The following TNFSF8 variants were observed in gnomAD, a reference collection of about 807,000 sequenced individuals.
TNFSF8 encodes TNF superfamily member 8.
In TNFSF8, 4 loss-of-function variants were observed where a neutral mutation model predicts 22.0. The ratio of observed to expected loss-of-function variants is 0.18; its 90% confidence interval spans 0.09 to 0.42. The LOEUF (loss-of-function observed/expected upper bound fraction) is 0.42, where lower values mean the gene tolerates loss of function less well. Ranked by LOEUF, TNFSF8 falls within the 10% of genes least tolerant of loss-of-function variation. The probability of loss-of-function intolerance (pLI) is 1.00; values close to 1 mark genes in which losing one functional copy is unlikely to be tolerated. For missense variants in TNFSF8, 233 were observed against 281.8 expected (o/e 0.83, Z 1.24); for synonymous variants, 106 against 112.5 (o/e 0.94, Z 0.37).
downstream of TNFSF8, among the ~76,000 whole-genome samples, chr9:114,899,153 AAC>A (rs1827688790): frequency 6.6e-6 from 1 of 152,172 alleles, no homozygotes. Flanking sequence ...TGGATGGACA[AAC>A]ATTCCAAAAT....
At chr9:114,908,484 C>A (rs1053724722) in intron 2 of TNFSF8, among the ~76,000 whole-genome samples, 2 of 152,134 alleles carry the variant, frequency 1.3e-5, no homozygotes, top group Admixed American at 1.3e-4. Flanking sequence ...GGCCGAAAGC[C>A]CTCTTACACT....
At chr9:114,898,839 C>T (rs1398416745), downstream of TNFSF8, among the ~76,000 whole-genome samples, 2 of 152,100 alleles carry the variant, frequency 1.3e-5, no homozygotes, top group South Asian at 2.1e-4. Flanking sequence ...ACCTATAATG[C>T]GACTCCTAGG....
chr9:114,902,387 A>G lies in TNFSF8; in HGVS notation c.*1544T>C. 1.0e-6 allele frequency: 1 copy of G among 985,470 alleles called. No homozygotes were observed. Among genetic ancestry groups the G allele is most frequent in the Non-Finnish European group, 1.2e-6 (1 of 829,934 alleles). 61.0% of individuals were successfully genotyped at this position (985,470 alleles called of 1,614,324 possible). A position where few individuals can be genotyped will look rare whatever the true frequency, so the allele number is the denominator to read the frequency against. ...GGCTAGATGACCACATCACTGTTGC[A>G]CACTGATTGTTTGCTAAAGGCACAA... On this transcript the variant is annotated 3_prime_UTR_variant, in exon 4 of 4. Transcript: ENST00000223795.
Position 114,926,370 on chromosome 9 carries a change from C to A in TNFSF8, c.195+3739G>T, listed in dbSNP as rs547501287. ...GGGGGAATCCGGGAGGCGGAGCTTG[C>A]AGTGAGCAGAGATCGCGCCACTGCA... is the stretch of plus-strand genomic sequence containing the variant. On this transcript the variant is annotated intron_variant, in intron 1 of 3. Transcript: ENST00000223795. Among the ~76,000 whole-genome samples, 5 of 152,240 alleles carry A rather than the reference C, an allele frequency of 3.3e-5. No individual in the cohort carries two copies. The South Asian group carries it at 1.0e-3, about 32-fold the overall frequency.
chr9:114,918,248 C>T, intron 1 of TNFSF8, 110 bp from the exon 2 acceptor site: 1 of 833,804 alleles, frequency 1.2e-6, no homozygotes, highest in Non-Finnish European at 1.7e-6. Context: ...ATTTACAATT[C>T]ATCCTCCACC....
intron 1 of TNFSF8, among the ~76,000 whole-genome samples, chr9:114,921,981 A>G (rs1273714187): frequency 6.6e-6 from 1 of 152,232 alleles, no homozygotes; most frequent in Non-Finnish European, 1.5e-5. Context: ...GTCTCCAGGT[A>G]AAATGACCCC....
At position 114,903,901 on chromosome 9, in the gene TNFSF8, G is replaced by A. The variant is rs766550159; in HGVS notation, c.*30C>T. ...ATGAAATACTGTATGGTAGAGAGGC[G>A]CTTTCTTCCTGAAGGCCAAGAGAAA... On this transcript the variant is annotated 3_prime_UTR_variant, in exon 4 of 4. Transcript: ENST00000223795. 5 of 1,578,466 alleles carry A rather than the reference G, an allele frequency of 3.2e-6. No homozygotes were observed. The highest frequency in any genetic ancestry group is 1.4e-5 in the African/African-American group (1 of 73,722).
At chr9:114,925,352 CA>C (rs1352677183) in intron 1 of TNFSF8, among the ~76,000 whole-genome samples, 2 of 152,212 alleles carry the variant, frequency 1.3e-5, no homozygotes, top group African/African-American at 2.4e-5. Context: ...TTCATGTAAC[CA>C]AAAACTCAGG....
chr9:114,928,240 G>A (rs1828087636), intron 1 of TNFSF8, among the ~76,000 whole-genome samples: 1 of 152,150 alleles, frequency 6.6e-6, no homozygotes, highest in Non-Finnish European at 1.5e-5. Context: ...AGAGAAGAGT[G>A]GGTGCAATGT....
chr9:114,917,986 A>T, intron 2 of TNFSF8, 110 bp downstream of exon 2: 1 of 1,093,674 alleles, frequency 9.1e-7, no homozygotes, highest in Non-Finnish European at 1.3e-6. Flanking sequence ...TACCCACTTT[A>T]CTGTTGGGTC....
chr9:114,925,635 C>T (rs1198904988), intron 1 of TNFSF8, among the ~76,000 whole-genome samples: 8 of 152,162 alleles, frequency 5.3e-5, no homozygotes, highest in African/African-American at 1.9e-4. Context: ...AATTACTCCC[C>T]TTAAACAGGT....
intron 2 of TNFSF8, 78 bp from the exon 3 acceptor site, chr9:114,905,977 A>T (rs1827780592): frequency 1.1e-6 from 1 of 921,160 alleles, no homozygotes. Context: ...TTTCTACAAC[A>T]CTTTGATGGA....
chr9:114,896,714 A>G (rs1827658423), downstream of TNFSF8, among the ~76,000 whole-genome samples: 1 of 152,196 alleles, frequency 6.6e-6, no homozygotes, highest in African/African-American at 2.4e-5. Flanking sequence ...TATCTCAGAG[A>G]TAGGAAGGGT....
rs77013929 is a variant in TNFSF8, at chr9:114,908,107, C to T, written c.239-2208G>A. On this transcript the variant is annotated intron_variant, in intron 2 of 3. Coordinates refer to ENST00000223795, the MANE Select transcript of TNFSF8 (RefSeq NM_001244.4). ...AGTTTTTCCTTGTTTGAAACACAGC[C>T]TAGCAGTCAGCTCCTCCAGGATACT... Among the ~76,000 whole-genome samples, 521 of 152,320 alleles carry T rather than the reference C, an allele frequency of 3.4e-3. 5 individuals are homozygous for T. The highest frequency in any genetic ancestry group is 0.012 in the African/African-American group (501 of 41,568).
intron 1 of TNFSF8, among the ~76,000 whole-genome samples, chr9:114,918,631 C>T (rs761568068): frequency 1.1e-3 from 165 of 152,104 alleles, no homozygotes; most frequent in Admixed American, 4.9e-3. Context: ...AAAAAGGAGT[C>T]TTGCTCTGTT....
At position 114,930,377 on chromosome 9, in the gene TNFSF8, A is replaced by G; in HGVS notation, c.-74T>C. On this transcript the variant is annotated 5_prime_UTR_variant, in exon 1 of 4. Transcript: ENST00000223795. ...TCAGTTCTGGGCCCATCTCTGTTCC[A>G]AGAAGGATTCTCCCCCTGAATCCTG... 2 of 1,217,110 alleles carry G rather than the reference A, an allele frequency of 1.6e-6. No homozygotes were observed. Among genetic ancestry groups the G allele is most frequent in the Admixed American group, 3.1e-5 (1 of 32,490 alleles). 75.4% of individuals were successfully genotyped at this position (1,217,110 alleles called of 1,614,324 possible). A position where few individuals can be genotyped will look rare whatever the true frequency, so the allele number is the denominator to read the frequency against.
chr9:114,894,909 G>C (rs558885112), intron 4 of TNFSF8, among the ~76,000 whole-genome samples: 3 of 152,164 alleles, frequency 2.0e-5, no homozygotes, highest in Non-Finnish European at 4.4e-5. Flanking sequence ...CCATTGTATT[G>C]ATCCTGTGAT....
At chr9:114,930,030 C>T (rs1471130474) in intron 1 of TNFSF8, 79 bp downstream of exon 1, 1 of 1,166,606 alleles carries the variant, frequency 8.6e-7, no homozygotes, top group South Asian at 2.3e-5. Flanking sequence ...AACCAACAAA[C>T]GAATATCATT....
intron 2 of TNFSF8, among the ~76,000 whole-genome samples, chr9:114,913,029 T>A (rs1827871365): frequency 6.6e-6 from 1 of 152,200 alleles, no homozygotes; most frequent in South Asian, 2.1e-4. Flanking sequence ...GACATCTGGC[T>A]TGTTCCCCTC....
Sources: gnomAD v4.1 joint callset for allele counts (sites outside exome capture counted in the v4.1 genomes callset) on GRCh38, gnomAD v4.1.1 for gene constraint, MANE v1.5 for transcripts, NCBI Gene and HGNC (gene_info 2026-07-23, HGNC 2026-07-21) for gene names.